Variants in HEATR4 observed in about 807,000 individuals in gnomAD.
The protein encoded by HEATR4 is HEAT repeat containing 4, also known as HEAT repeat-containing protein 4.
Under a neutral mutation model 108.8 loss-of-function variants are expected in HEATR4, and 95 were observed. The ratio of observed to expected loss-of-function variants is 0.87; its 90% CI spans 0.74 to 1.04. HEATR4 has a LOEUF of 1.04. HEATR4 is among the 50% of genes least tolerant of loss of function. HEATR4 has a pLI of 0.00. For missense variants in HEATR4, 1,152 were observed against 1,253.8 expected (o/e 0.92, Z 1.23); for synonymous variants, 443 against 459.4 (o/e 0.96, Z 0.46).
At chr14:73,559,463 G>C (rs1179526102), upstream of HEATR4, among the ~76,000 whole-genome samples, 2 of 151,790 alleles carry the variant, frequency 1.3e-5, no homozygotes, top group African/African-American at 4.8e-5. Context: ...AGGCGCGATG[G>C]CTCACGCCTG....
At chr14:73,589,622 C>T in the HEATR4 span, among the ~76,000 whole-genome samples, 6 of 152,170 alleles carry the variant, frequency 3.9e-5, no homozygotes, top group Non-Finnish European at 7.4e-5. Flanking sequence ...CCTAGCCTAC[C>T]TTATATTTCA....
At chr14:73,501,141 TG>T (rs1886426227) in intron 11 of HEATR4, among the ~76,000 whole-genome samples, 1 of 152,142 alleles carries the variant, frequency 6.6e-6, no homozygotes, top group Admixed American at 6.6e-5. Context: ...TTTTTTGAGA[TG>T]GAGTCTCGCT....
chr14:73,579,694 C>T, the HEATR4 span, among the ~76,000 whole-genome samples: 4 of 151,520 alleles, frequency 2.6e-5, 1 homozygote, highest in South Asian at 8.4e-4. Context: ...GCTGGGATTA[C>T]AGGCATACAC....
the HEATR4 span, chr14:73,569,637 A>G: frequency 1.2e-6 from 2 of 1,603,040 alleles, no homozygotes; most frequent in Non-Finnish European, 1.7e-6. Flanking sequence ...GCTGGGCGGC[A>G]GCTTCGCGGG....
At chr14:73,610,290 CT>C in the HEATR4 span, among the ~76,000 whole-genome samples, 128 of 140,368 alleles carry the variant, frequency 9.1e-4, no homozygotes, top group Non-Finnish European at 1.1e-3. Context: ...TCAAGTGTCG[CT>C]TTTTTTTTTT....
chr14:73,612,826 G>A, the HEATR4 span: 4 of 1,421,918 alleles, frequency 2.8e-6, no homozygotes, highest in Non-Finnish European at 3.7e-6. Flanking sequence ...GGGCGTTGGA[G>A]CCCGAGAAAG....
rs1887065220 is a variant in HEATR4, at chr14:73,509,462, GGATGGTCTTGTCTGT to G, written c.1559-4_1569del. The G allele has an allele frequency of 6.2e-7, 1 of 1,613,800 alleles. No homozygotes were observed. The highest frequency in any genetic ancestry group is 1.3e-5 in the African/African-American group (1 of 74,896). On this transcript the variant is annotated splice_acceptor_variant and splice_polypyrimidine_tract_variant and coding_sequence_variant and intron_variant, in exon 8 of 18. Coordinates refer to ENST00000553558, the MANE Select transcript of HEATR4 (RefSeq NM_001220484.1). LOFTEE classifies it high-confidence loss of function. ...GGCAGTAGAACCTCCGGCAAGTCCT[GGATGGTCTTGTCTGT>G]GATCAAAAGAGCCAGGTAAGAGAGT... is the stretch of plus-strand genomic sequence containing the variant.
At chr14:73,618,772 G>C in the HEATR4 span, among the ~76,000 whole-genome samples, 1 of 152,150 alleles carries the variant, frequency 6.6e-6, no homozygotes, top group African/African-American at 2.4e-5. Flanking sequence ...CAGTTGATTT[G>C]CTTATTAGAA....
rs563115341 is a variant in HEATR4 at position 73,504,140 on chromosome 14, C to T, written c.1987-1127G>A. ...TTGCCCAGGCTGGAGTGCAATGGCA[C>T]GATCTCGGCTCACTGCAACCTCCGC... On this transcript the variant is annotated intron_variant, in intron 10 of 17. Transcript: ENST00000553558. Among the ~76,000 whole-genome samples, 10 of 149,916 alleles carry T rather than the reference C, an allele frequency of 6.7e-5. No homozygotes were observed. In the South Asian group the frequency reaches 1.0e-3, roughly 16 times the overall value.
intron 17 of HEATR4, among the ~76,000 whole-genome samples, chr14:73,484,947 T>C (rs559494405): frequency 6.6e-6 from 1 of 152,104 alleles, no homozygotes; most frequent in African/African-American, 2.4e-5. Flanking sequence ...GTGGATCACC[T>C]GAGGTCAGCA....
intron 9 of HEATR4, among the ~76,000 whole-genome samples, chr14:73,506,802 C>CTTTTTTTTTTTTTTTTTT (rs1470976246): frequency 8.3e-4 from 48 of 57,944 alleles, no homozygotes; most frequent in East Asian, 5.6e-3. Context: ...CTGACTTTAA[C>CTTTTTTTTTTTTTTTTTT]TGTTTTTTTT....
chr14:73,533,011 T>C (rs1441415337), intron 1 of HEATR4, among the ~76,000 whole-genome samples: 1 of 113,746 alleles, frequency 8.8e-6, no homozygotes, highest in African/African-American at 2.9e-5. Flanking sequence ...AAAAATTAAA[T>C]ATTATAACCC....
chr14:73,593,549 T>C, the HEATR4 span, among the ~76,000 whole-genome samples: 1 of 151,584 alleles, frequency 6.6e-6, no homozygotes, highest in African/African-American at 2.4e-5. Context: ...CACTACATTG[T>C]CCAGGCTGGT....
Position 73,534,852 on chromosome 14 carries a change from A to C in HEATR4, c.-151-4608T>G. On this transcript the variant is annotated intron_variant, in intron 1 of 17. Transcript: ENST00000553558. ...GGATGAGGTCTTGCTCTGTTGCCCA[A>C]GCTGGTATCGAATTCCTCCTGGGCT... 1.9e-5 allele frequency among the ~76,000 whole-genome samples: 2 copies of C among 104,298 alleles called. 1 individual carries two copies. Among genetic ancestry groups the C allele is most frequent in the Non-Finnish European group, 4.1e-5 (2 of 48,916 alleles). 68.4% of individuals were successfully genotyped at this position (104,298 alleles called of 152,430 possible).
intron 5 of HEATR4, among the ~76,000 whole-genome samples, chr14:73,518,404 CA>C (rs1193340188): frequency 7.8e-4 from 104 of 132,614 alleles, no homozygotes; most frequent in Non-Finnish European, 1.5e-3. Context: ...ACTCTGTCTC[CA>C]AAAAAAGAAA....
chr14:73,526,347 T>C (rs1888333865), intron 2 of HEATR4, among the ~76,000 whole-genome samples: 2 of 152,104 alleles, frequency 1.3e-5, no homozygotes, highest in African/African-American at 2.4e-5. Context: ...CCTGAATACA[T>C]ATGAGTGACA....
chr14:73,588,643 A>G, the HEATR4 span, among the ~76,000 whole-genome samples: 5 of 152,266 alleles, frequency 3.3e-5, no homozygotes, highest in East Asian at 3.9e-4. Flanking sequence ...TGAGGCCCCA[A>G]TTACACTGAC....
chr14:73,579,064 G>A, the HEATR4 span, among the ~76,000 whole-genome samples: 6 of 142,130 alleles, frequency 4.2e-5, no homozygotes, highest in South Asian at 2.3e-4. Flanking sequence ...TAGCCTAGGC[G>A]ACAGCCAGCC....
In HEATR4 at chr14:73,512,065, G is replaced by T; in HGVS notation, c.1499C>A (p.Thr500Asn). 1 of 1,614,164 alleles carries T rather than the reference G, an allele frequency of 6.2e-7. No homozygotes were observed. Among genetic ancestry groups the T allele is most frequent in the Admixed American group, 1.7e-5 (1 of 60,026 alleles). Residue 500 changes from threonine to asparagine, a missense_variant, in exon 7 of 18, where the codon ACC (threonine) becomes AAC (asparagine). Coordinates refer to ENST00000553558, the MANE Select transcript of HEATR4 (RefSeq NM_001220484.1). ...TTCCAAAGCAGCTGTGGCACATGTG[G>T]TGATAGCTTTGATCCGAACGTCATC... The part of the protein sequence containing the change: ...LHDDVRIKAI[T>N]TCATAALERP...
Sources: allele counts gnomAD v4.1 joint callset (sites outside exome capture counted in the v4.1 genomes callset), GRCh38; gene constraint gnomAD v4.1.1; transcripts MANE v1.5; gene names NCBI Gene and HGNC (gene_info 2026-07-23, HGNC 2026-07-21).